C12orf54: variants seen among roughly 807,000 people sequenced by gnomAD.
The protein encoded by C12orf54 is uncharacterized protein C12orf54.
Under a neutral mutation model 26.4 loss-of-function variants are expected in C12orf54, and 24 were observed. The observed-to-expected ratio is 0.91, with a 90% CI of 0.66 to 1.28. The LOEUF (loss-of-function observed/expected upper bound fraction) is 1.28. Ranked by LOEUF, C12orf54 falls within the 50% of genes most tolerant of loss-of-function variation. C12orf54 has a pLI of 0.00. For synonymous variants in C12orf54, 54 were observed against 47.0 expected, an observed-to-expected ratio of 1.15 and a Z score of -0.61; for missense variants, 154 against 150.9, an observed-to-expected ratio of 1.02 and a Z score of -0.11.
At chr12:48,455,104 C>A in the C12orf54 span, among the ~76,000 whole-genome samples, 1 of 152,144 alleles carries the variant, frequency 6.6e-6, no homozygotes, top group Non-Finnish European at 1.5e-5. Flanking sequence ...TCCCATCCTC[C>A]AACCTCAAGT....
chr12:48,441,777 C>T, the C12orf54 span, among the ~76,000 whole-genome samples: 32 of 152,308 alleles, frequency 2.1e-4, no homozygotes, highest in African/African-American at 7.5e-4. Flanking sequence ...CTTCTTCTGA[C>T]TAGGACTGAA....
rs74090301 is a variant in C12orf54 at position 48,494,960 on chromosome 12, G to A, written c.*21G>A. On this transcript the variant is annotated 3_prime_UTR_variant, in exon 8 of 9. Transcript: ENST00000548364. ...CCTAACTCTACAATCAAGGAAGAAGGACATCTCTGCTTCCGCCAGGTGCTT... is the reference window on the plus strand; with the variant it reads ...CCTAACTCTACAATCAAGGAAGAAGAACATCTCTGCTTCCGCCAGGTGCTT... 19,544 of 1,609,172 alleles carry A rather than the reference G, an allele frequency of 0.012. 2,019 individuals are homozygous for A. The African/African-American group carries it at 0.23, about 19-fold the overall frequency.
chr12:48,467,542 C>A, the C12orf54 span, among the ~76,000 whole-genome samples: 1 of 151,974 alleles, frequency 6.6e-6, no homozygotes, highest in Admixed American at 6.6e-5. Flanking sequence ...ATAAAAAGTA[C>A]ACAATGTATA....
At chr12:48,480,062 C>T (rs553701031), upstream of C12orf54, among the ~76,000 whole-genome samples, 6 of 151,982 alleles carry the variant, frequency 3.9e-5, no homozygotes, top group Non-Finnish European at 1.5e-5. Flanking sequence ...AAGCAAGACC[C>T]TGGTATATCT....
the C12orf54 span, among the ~76,000 whole-genome samples, chr12:48,461,342 C>G: frequency 0.14 from 21,989 of 151,790 alleles, 2,803 homozygotes; most frequent in East Asian, 0.66. Flanking sequence ...GACCAAAAAT[C>G]AGTAAGTGAA....
the C12orf54 span, among the ~76,000 whole-genome samples, chr12:48,420,855 G>A: frequency 2.0e-3 from 302 of 152,246 alleles, no homozygotes; most frequent in African/African-American, 6.6e-3. Flanking sequence ...TTGCCTGTTT[G>A]ATATGTCTGG....
chr12:48,417,885 G>A, the C12orf54 span, among the ~76,000 whole-genome samples: 1 of 152,138 alleles, frequency 6.6e-6, no homozygotes, highest in Non-Finnish European at 1.5e-5. Context: ...GCCTCCAGTT[G>A]CATCCGTGTT....
chr12:48,426,438 C>G, the C12orf54 span, among the ~76,000 whole-genome samples: 1 of 151,940 alleles, frequency 6.6e-6, no homozygotes, highest in African/African-American at 2.4e-5. Flanking sequence ...TTCCATTGGT[C>G]TTGTGTCTGT....
chr12:48,492,817 TG>T, intron 6 of C12orf54, 129 bp from the exon 7 acceptor site: 1 of 736,562 alleles, frequency 1.4e-6, no homozygotes, highest in Non-Finnish European at 2.4e-6. Context: ...GCCTGTTAGG[TG>T]GTCAGTGTCC....
the C12orf54 span, among the ~76,000 whole-genome samples, chr12:48,432,049 T>C: frequency 6.6e-5 from 10 of 152,344 alleles, no homozygotes; most frequent in African/African-American, 2.4e-4. Context: ...CACTTATAAA[T>C]ACAAATAGGA....
chr12:48,467,781 G>T, the C12orf54 span, among the ~76,000 whole-genome samples: 4 of 152,064 alleles, frequency 2.6e-5, no homozygotes. Flanking sequence ...ACAAGTATGT[G>T]TCTTTTATTG....
chr12:48,487,358 T>C (rs919352668), intron 4 of C12orf54, among the ~76,000 whole-genome samples: 3 of 152,220 alleles, frequency 2.0e-5, no homozygotes, highest in African/African-American at 7.2e-5. Flanking sequence ...TCAATGGCTA[T>C]GGCTTTCTGA....
chr12:48,486,488 C>A, intron 3 of C12orf54, 200 bp from the exon 4 acceptor site: 1 of 640,906 alleles, frequency 1.6e-6, no homozygotes. Context: ...CCAGCTAGAT[C>A]CAGAGCGAAG....
At chr12:48,474,120 C>CA in the C12orf54 span, among the ~76,000 whole-genome samples, 3 of 152,124 alleles carry the variant, frequency 2.0e-5, no homozygotes, top group Non-Finnish European at 4.4e-5. Context: ...AACAAACCCT[C>CA]AAACTTCAAC....
chr12:48,468,605 C>G, the C12orf54 span, among the ~76,000 whole-genome samples: 1 of 151,966 alleles, frequency 6.6e-6, no homozygotes, highest in African/African-American at 2.4e-5. Context: ...AACAATAAAG[C>G]TGTTATGGTT....
At chr12:48,476,517 C>A in the C12orf54 span, among the ~76,000 whole-genome samples, 8 of 151,976 alleles carry the variant, frequency 5.3e-5, no homozygotes, top group Non-Finnish European at 1.0e-4. Flanking sequence ...CGTGCAGAGA[C>A]ACACATAGGC....
chr12:48,482,935 CT>C (rs35033434), intron 1 of C12orf54, among the ~76,000 whole-genome samples: 25,341 of 148,342 alleles, frequency 0.17, 2,650 homozygotes, highest in Non-Finnish European at 0.24. Flanking sequence ...TAGATTCTCT[CT>C]TTTTTTTTTT....
At chr12:48,489,658 C>G (rs917172204) in intron 5 of C12orf54, among the ~76,000 whole-genome samples, 2 of 152,010 alleles carry the variant, frequency 1.3e-5, no homozygotes, top group South Asian at 2.1e-4. Context: ...CTCAAGCCAT[C>G]TGCCAGCCTT....
the C12orf54 span, among the ~76,000 whole-genome samples, chr12:48,417,997 A>C: frequency 6.6e-6 from 1 of 152,176 alleles, no homozygotes; most frequent in African/African-American, 2.4e-5. Context: ...ATGGGCACCT[A>C]GGTTGATTCC....
Sources: gnomAD v4.1 joint callset for allele counts (sites outside exome capture counted in the v4.1 genomes callset) on GRCh38, gnomAD v4.1.1 for gene constraint, MANE v1.5 for transcripts, NCBI Gene and HGNC (gene_info 2026-07-23, HGNC 2026-07-21) for gene names.